Variants in FAM131B observed in about 807,000 individuals in gnomAD.
FAM131B encodes the protein family with sequence similarity 131 member B.
FAM131B carries 19 observed loss-of-function variants against 42.0 expected under a neutral mutation model. That is an observed-to-expected ratio of 0.45 (90% CI 0.32 to 0.66). The LOEUF (loss-of-function observed/expected upper bound fraction) is 0.66, where lower values mean the gene tolerates loss of function less well. Ranked by LOEUF, FAM131B falls within the 30% of genes least tolerant of loss-of-function variation. FAM131B has a pLI of 0.05. For missense variants in FAM131B, 370 were observed against 468.4 expected (o/e 0.79, Z 1.94); for synonymous variants, 183 against 177.6 (o/e 1.03, Z -0.24).
chr7:143,363,788 C>T (rs1250363273), upstream of FAM131B: 1 of 152,254 alleles, frequency 6.6e-6, no homozygotes, highest in Non-Finnish European at 1.5e-5. Flanking sequence ...GCACCTCGCC[C>T]ACTTTTAGGT....
At position 143,362,118 on chromosome 7, in the gene FAM131B, G is replaced by C. The variant is rs1586542547; in HGVS notation, c.28+458C>G. ...CCGAGCCAGATGGAGGCGGCGGCGG[G>C]GGGTGGCGTGGGGGGCGTGCGAAAG... On this transcript the variant is annotated intron_variant, in intron 1 of 6. Transcript: ENST00000443739. The surrounding 1 kb of genome is among the most constrained non-coding windows in gnomAD (Gnocchi z 7.7). The C allele has an allele frequency of 2.5e-6, 2 of 815,010 alleles. No homozygotes were observed. The highest frequency in any genetic ancestry group is 3.0e-6 in the Non-Finnish European group (2 of 673,578). The allele number at this position is 815,010 out of a possible 1,614,324, so 50.5% of individuals were successfully genotyped here.
At chr7:143,378,779 G>C in the FAM131B span, among the ~76,000 whole-genome samples, 1 of 152,102 alleles carries the variant, frequency 6.6e-6, no homozygotes, top group Non-Finnish European at 1.5e-5. Flanking sequence ...GTTTCACCAC[G>C]TTGGTCAGGC....
chr7:143,378,358 G>A, the FAM131B span, among the ~76,000 whole-genome samples: 2 of 152,074 alleles, frequency 1.3e-5, no homozygotes, highest in East Asian at 1.9e-4. Context: ...ATAAATCCTT[G>A]GAGGCGCGTG....
chr7:143,358,907 T>C lies in FAM131B; in HGVS notation c.386A>G (p.His129Arg). 6.2e-7 allele frequency: 1 copy of C among 1,614,152 alleles called. No homozygotes were observed. The highest frequency in any genetic ancestry group is 8.5e-7 in the Non-Finnish European group (1 of 1,180,016). The change falls in exon 5 of 7, where the codon CAC (histidine) becomes CGC (arginine). Residue 129 changes from histidine to arginine, a missense_variant. By Grantham distance (29) the His-to-Arg change is conservative. Coordinates refer to ENST00000443739, the MANE Select transcript of FAM131B (RefSeq NM_001031690.3). The surrounding 1 kb of genome is among the most constrained non-coding windows in gnomAD (Gnocchi z 4.7). ...WGKTPAVQPQ[H>R]SHESVRRDTD... ...ATCCCTGCGCACGGACTCATGGCTG[T>C]GTTGTGGCTGAACAGCTGGTGTCTT...
the FAM131B span, among the ~76,000 whole-genome samples, chr7:143,373,651 G>C: frequency 6.6e-6 from 1 of 152,164 alleles, no homozygotes; most frequent in African/African-American, 2.4e-5. Flanking sequence ...CAAAAAAGAG[G>C]AATGCTTGCT....
chr7:143,381,262 C>T, the FAM131B span: 3 of 1,045,178 alleles, frequency 2.9e-6, no homozygotes, highest in Admixed American at 5.6e-5. Context: ...GGGCGCCGCT[C>T]TCTCCCCGCC....
chr7:143,381,722 G>A, the FAM131B span: 62 of 1,599,656 alleles, frequency 3.9e-5, no homozygotes, highest in African/African-American at 5.4e-5. Flanking sequence ...CCCGGCACCC[G>A]GGGCCCAGCG....
chr7:143,357,181 G>C lies in FAM131B; in HGVS notation c.610+99C>G. 2.2e-6 allele frequency: 3 copies of C among 1,336,446 alleles called. No individual in the cohort carries two copies. The South Asian group carries it at 3.8e-5, about 17-fold the overall frequency. 82.8% of individuals were successfully genotyped at this position (1,336,446 alleles called of 1,614,324 possible). A position where few individuals can be genotyped will look rare whatever the true frequency, so the allele number is the denominator to read the frequency against. ...GGAGGACAATGGGAAAGCTGAGATG[G>C]ACAAGGAAGTCTTAAAAGAACGGAG... On this transcript the variant is annotated intron_variant, in intron 6 of 6. Transcript: ENST00000443739.
At chr7:143,372,218 G>A in the FAM131B span, among the ~76,000 whole-genome samples, 1 of 152,196 alleles carries the variant, frequency 6.6e-6, no homozygotes, top group South Asian at 2.1e-4. Flanking sequence ...TTTCTGTAGT[G>A]CCACCCAGCT....
the FAM131B span, chr7:143,381,435 G>A: frequency 1.6e-4 from 198 of 1,275,198 alleles, no homozygotes; most frequent in Non-Finnish European, 1.8e-4. Context: ...CGGCAGGGCG[G>A]CCCCACGGGG....
At chr7:143,366,007 A>G (rs1255570179), upstream of FAM131B, among the ~76,000 whole-genome samples, 1 of 152,166 alleles carries the variant, frequency 6.6e-6, no homozygotes, top group African/African-American at 2.4e-5. Flanking sequence ...CTGCCACAGG[A>G]TCCCAAAGTC....
intron 1 of FAM131B, 196 bp from the exon 2 acceptor site, chr7:143,360,345 T>A: frequency 7.0e-7 from 1 of 1,420,106 alleles, no homozygotes; most frequent in Non-Finnish European, 9.2e-7. Flanking sequence ...CCCAGAATAG[T>A]GCACTCAGAA....
the FAM131B span, among the ~76,000 whole-genome samples, chr7:143,371,233 C>T: frequency 6.6e-6 from 1 of 152,110 alleles, no homozygotes; most frequent in Non-Finnish European, 1.5e-5. Context: ...AGCAATACAA[C>T]AATTAAGAGA....
chr7:143,370,472 G>T, the FAM131B span, among the ~76,000 whole-genome samples: 1 of 152,158 alleles, frequency 6.6e-6, no homozygotes, highest in Non-Finnish European at 1.5e-5. Flanking sequence ...TAAGTCACAG[G>T]ATGAGATAAA....
the FAM131B span, among the ~76,000 whole-genome samples, chr7:143,372,849 C>T: frequency 6.6e-6 from 1 of 151,962 alleles, no homozygotes; most frequent in East Asian, 1.9e-4. Context: ...ATCCCACCTA[C>T]TTGGGAGGCT....
At chr7:143,369,417 G>A in the FAM131B span, among the ~76,000 whole-genome samples, 1 of 152,334 alleles carries the variant, frequency 6.6e-6, no homozygotes, top group Admixed American at 6.5e-5. Flanking sequence ...GCTCACGCCT[G>A]TAATCCCAGC....
In FAM131B at chr7:143,359,811, A is replaced by T. The variant is rs74625193; in HGVS notation, c.139-44T>A. ...GGGAATGGGCATCCCAGTCACTCGC[A>T]GGAATGCAAGGAAGCCCCCTTCCTC... On this transcript the variant is annotated intron_variant, in intron 2 of 6. Coordinates refer to ENST00000443739, the MANE Select transcript of FAM131B (RefSeq NM_001031690.3). The surrounding 1 kb of genome is among the most constrained non-coding windows in gnomAD (Gnocchi z 5.4). 2.3e-3 allele frequency: 3,491 copies of T among 1,530,864 alleles called. 36 individuals are homozygous for T. The African/African-American group carries it at 0.028, about 12-fold the overall frequency. The allele number at this position is 1,530,864 out of a possible 1,614,324, so 94.8% of individuals were successfully genotyped here.
intron 6 of FAM131B, 38 bp from the exon 7 acceptor site, chr7:143,357,060 A>C: frequency 6.8e-7 from 1 of 1,472,018 alleles, no homozygotes; most frequent in Non-Finnish European, 9.5e-7. Flanking sequence ...GGGCCACAGA[A>C]TGTCAAGGGC....
the FAM131B span, chr7:143,381,377 A>G: frequency 8.5e-7 from 1 of 1,171,718 alleles, no homozygotes. Flanking sequence ...CGAGGCGGCC[A>G]CCCGAGACGC....
Sources: allele counts gnomAD v4.1 joint callset (sites outside exome capture counted in the v4.1 genomes callset), GRCh38; gene constraint gnomAD v4.1.1; non-coding constraint Gnocchi (gnomAD v3.1); transcripts MANE v1.5; gene names NCBI Gene and HGNC (gene_info 2026-07-23, HGNC 2026-07-21).